Variants in BEGAIN observed in about 807,000 individuals in gnomAD.
BEGAIN encodes brain enriched guanylate kinase associated.
In BEGAIN, 19 loss-of-function variants were observed where a neutral mutation model predicts 35.8. The ratio of observed to expected loss-of-function variants is 0.53; its 90% CI spans 0.37 to 0.78. BEGAIN has a LOEUF of 0.78. BEGAIN is among the 30% of genes least tolerant of loss of function. BEGAIN has a pLI of 0.00. For synonymous variants in BEGAIN, 462 were observed against 388.6 expected (o/e 1.19, Z -2.22); for missense variants, 795 against 853.6 (o/e 0.93, Z 0.85).
chr14:100,557,950 C>T (rs796597915), intron 2 of BEGAIN, among the ~76,000 whole-genome samples: 10 of 152,274 alleles, frequency 6.6e-5, no homozygotes, highest in African/African-American at 2.4e-4. Flanking sequence ...TCTGCCCCGA[C>T]ACCCGGTGCC....
rs370537162 is a variant in BEGAIN at position 100,538,646 on chromosome 14, C to T, written c.1162G>A (p.Gly388Arg). The T allele has an allele frequency of 5.2e-6, 8 of 1,549,840 alleles. No homozygotes were observed. The African/African-American group carries it at 9.6e-5, about 19-fold the overall frequency. Residue 388 changes from glycine (G) to arginine (R), a missense_variant, in exon 7 of 7, where the codon GGG (glycine) becomes AGG (arginine). Physicochemically the swap from Gly to Arg is moderately radical, Grantham distance 125 (BLOSUM62 -2). Transcript: ENST00000554140. Reference protein sequence around the residue: ...PLEAEVAPGFGRTMSPYPAET... With the variant: ...PLEAEVAPGFRRTMSPYPAET... ...GCCGGGTACGGTGACATGGTCCGCC[C>T]GAAGCCTGGGGCCACTTCGGCCTCC...
intron 1 of BEGAIN, among the ~76,000 whole-genome samples, chr14:100,579,688 T>C (rs904586138): frequency 6.6e-6 from 1 of 152,180 alleles, no homozygotes; most frequent in African/African-American, 2.4e-5. Context: ...GCCGGACACC[T>C]CTCTGAATGC....
chr14:100,572,051 C>T (rs2035095683), intron 1 of BEGAIN, among the ~76,000 whole-genome samples: 1 of 152,210 alleles, frequency 6.6e-6, no homozygotes, highest in Non-Finnish European at 1.5e-5. Flanking sequence ...CAGCCAGAGG[C>T]ACCTGCTCCT....
rs775093049 is a variant in BEGAIN, at chr14:100,538,340, AGCTGGCGTAGAGCGG to A, written c.1453_1467del (p.Pro485_Ser489del). On this transcript the variant is annotated inframe_deletion, in exon 7 of 7. Coordinates refer to ENST00000554140, the MANE Select transcript of BEGAIN (RefSeq NM_001385089.1). ...CCCTCGGAGAAGCTGTCGGCCTTGT[AGCTGGCGTAGAGCGG>A]GCTGGCGCGGCCGTCGGCCTTCTTG... 87 of 1,518,520 alleles carry A rather than the reference AGCTGGCGTAGAGCGG, an allele frequency of 5.7e-5. No homozygotes were observed. The highest frequency in any genetic ancestry group is 7.1e-5 in the Non-Finnish European group (81 of 1,140,534). The allele number at this position is 1,518,520 out of a possible 1,614,324, so 94.1% of individuals were successfully genotyped here.
intron 3 of BEGAIN, chr14:100,546,033 A>C (rs1272595342): frequency 6.4e-6 from 1 of 155,742 alleles, no homozygotes; most frequent in African/African-American, 2.4e-5. Flanking sequence ...GAGGGAGTCC[A>C]GCACAACTGG....
rs753512343 is a variant in BEGAIN, at chr14:100,555,963, CACAT to C, written c.72-9305_72-9302del. On this transcript the variant is annotated intron_variant, in intron 2 of 6. Transcript: ENST00000554140. ...TGTGCAGCTGCCCCTGGGGGAAAGA[CACAT>C]GCATGCATGTGCGTGTGTGTGTGTG... Among the ~76,000 whole-genome samples, 102 of 152,270 alleles carry C rather than the reference CACAT, an allele frequency of 6.7e-4. 1 individual carries two copies. Among genetic ancestry groups the C allele is most frequent in the Admixed American group, 9.8e-4 (15 of 15,298 alleles).
intron 2 of BEGAIN, among the ~76,000 whole-genome samples, chr14:100,560,260 G>A (rs902937146): frequency 4.6e-5 from 7 of 152,152 alleles, no homozygotes; most frequent in Non-Finnish European, 1.0e-4. Flanking sequence ...GGATCATCCC[G>A]GCGGCCCTAC....
rs1296609731 is a variant in BEGAIN at position 100,586,815 on chromosome 14, C to A, written c.42+434G>T. Among the ~76,000 whole-genome samples the A allele has an allele frequency of 3.9e-5, 6 of 152,190 alleles. No homozygotes were observed. The highest frequency in any genetic ancestry group is 9.6e-5 in the African/African-American group (4 of 41,464). ...TCCGGCTCCCGGGCCTTTCTCCGGCCTCCCAAGCAGGGGCTGGCCCTGCCC... is the reference window on the plus strand; with the variant it reads ...TCCGGCTCCCGGGCCTTTCTCCGGCATCCCAAGCAGGGGCTGGCCCTGCCC... On this transcript the variant is annotated intron_variant, in intron 1 of 6. Coordinates refer to ENST00000554140, the MANE Select transcript of BEGAIN (RefSeq NM_001385089.1). This position sits in a 1 kb window ranked among gnomAD's most constrained non-coding sequence, Gnocchi z 4.9.
At position 100,541,749 on chromosome 14, in the gene BEGAIN, G is replaced by A. The variant is rs919137753; in HGVS notation, c.409-1170C>T. 6.6e-5 allele frequency among the ~76,000 whole-genome samples: 10 copies of A among 152,342 alleles called. No homozygotes were observed. The South Asian group carries it at 1.2e-3, about 19-fold the overall frequency. ...CGGTGCCATGCCCATAGCCCCTGGG[G>A]CACCTGGCTGAGTACCCAAGCCCCT... On this transcript the variant is annotated intron_variant, in intron 5 of 6. Transcript: ENST00000554140.
intron 6 of BEGAIN, 30 bp downstream of exon 6, chr14:100,540,466 G>A (rs375087284): frequency 2.4e-5 from 37 of 1,536,704 alleles, no homozygotes; most frequent in Middle Eastern, 3.4e-4. Flanking sequence ...GTCCCGGGGC[G>A]GGGTGGGCCT....
chr14:100,560,823 C>T (rs1040526601), intron 2 of BEGAIN, among the ~76,000 whole-genome samples: 15 of 152,186 alleles, frequency 9.9e-5, no homozygotes, highest in Admixed American at 9.8e-4. Flanking sequence ...CGTCTCACGT[C>T]CTGCAACTCT....
intron 2 of BEGAIN, among the ~76,000 whole-genome samples, chr14:100,553,171 C>T (rs1053106571): frequency 2.6e-5 from 4 of 152,126 alleles, no homozygotes; most frequent in Admixed American, 1.3e-4. Context: ...AGGTCCTTGA[C>T]GGGTGGGGAA....
In BEGAIN at chr14:100,568,807, G is replaced by A. The variant is rs2034946466; in HGVS notation, c.43-868C>T. The A allele has an allele frequency of 3.2e-6, 3 of 950,282 alleles. No individual in the cohort carries two copies. Among genetic ancestry groups the A allele is most frequent in the Non-Finnish European group, 3.8e-6 (3 of 797,502 alleles). 58.9% of individuals were successfully genotyped at this position (950,282 alleles called of 1,614,324 possible). On this transcript the variant is annotated intron_variant, in intron 1 of 6. Coordinates refer to ENST00000554140, the MANE Select transcript of BEGAIN (RefSeq NM_001385089.1). The surrounding 1 kb of genome is among the most constrained non-coding windows in gnomAD (Gnocchi z 7.5). ...CGGGCGGGCTCTCTATCACCCGGGA[G>A]AGGCCGCTCCCCGGGGCTTTGCCCG...
intron 1 of BEGAIN, among the ~76,000 whole-genome samples, chr14:100,585,936 C>T (rs905399156): frequency 6.6e-6 from 1 of 152,276 alleles, no homozygotes; most frequent in Non-Finnish European, 1.5e-5. Flanking sequence ...CCGCATCTGC[C>T]ACAGTGCTTG....
At chr14:100,544,892 A>G (rs968618443) in intron 4 of BEGAIN, 108 bp downstream of exon 4, 6 of 1,106,604 alleles carry the variant, frequency 5.4e-6, no homozygotes, top group Admixed American at 1.7e-5. Flanking sequence ...GGGTGGGACC[A>G]GCAAGACCTG....
At chr14:100,583,116 T>C (rs1331438908) in intron 1 of BEGAIN, among the ~76,000 whole-genome samples, 1 of 151,696 alleles carries the variant, frequency 6.6e-6, no homozygotes, top group Non-Finnish European at 1.5e-5. Flanking sequence ...ATCTGTTCAC[T>C]GGTCCTCTCA....
intron 2 of BEGAIN, among the ~76,000 whole-genome samples, chr14:100,562,702 C>A (rs2034368338): frequency 6.6e-6 from 1 of 152,200 alleles, no homozygotes. Context: ...CTGCCTGGAC[C>A]TCCTGGTGCC....
intron 2 of BEGAIN, among the ~76,000 whole-genome samples, chr14:100,556,427 G>A (rs138885553): frequency 1.5e-3 from 229 of 152,304 alleles, no homozygotes; most frequent in African/African-American, 4.9e-3. Context: ...GACCCAGCGC[G>A]TGCCCAGGGC....
chr14:100,546,637 G>A lies in BEGAIN; in HGVS notation c.97C>T (p.Leu33=), dbSNP rs1237828568. Reference sequence around the variant, plus strand: ...GTGGTGTAGGACAGCCGCTTGCGCAGCTCGCCCTTCTGCTCCTGCAGCGCG... The same window carrying A: ...GTGGTGTAGGACAGCCGCTTGCGCAACTCGCCCTTCTGCTCCTGCAGCGCG... The part of the protein sequence containing the change: ...LSALQEQKGE[L]RKRLSYTTHK... The change falls in exon 3 of 7, where the codon CTG becomes TTG. Residue 33 remains leucine (L), a synonymous_variant. Coordinates refer to ENST00000554140, the MANE Select transcript of BEGAIN (RefSeq NM_001385089.1). 4 of 1,576,500 alleles carry A rather than the reference G, an allele frequency of 2.5e-6. No homozygotes were observed. Among genetic ancestry groups the A allele is most frequent in the Non-Finnish European group, 2.6e-6 (3 of 1,166,554 alleles).
Sources: allele counts gnomAD v4.1 joint callset (sites outside exome capture counted in the v4.1 genomes callset), GRCh38; gene constraint gnomAD v4.1.1; non-coding constraint Gnocchi (gnomAD v3.1); transcripts MANE v1.5; gene names NCBI Gene and HGNC (gene_info 2026-07-23, HGNC 2026-07-21).